WDR36: variants seen among roughly 807,000 people sequenced by gnomAD.
WDR36 encodes WD repeat-containing protein 36.
A neutral mutation model predicts 112.7 loss-of-function variants in WDR36; 63 were observed. The observed-to-expected ratio is 0.56, with a 90% CI of 0.46 to 0.69. The LOEUF is 0.69. Ranked by LOEUF, WDR36 falls within the 30% of genes least tolerant of loss-of-function variation. The probability of loss-of-function intolerance (pLI) is 0.00; values close to 1 mark genes in which losing one functional copy is unlikely to be tolerated. For missense variants in WDR36, 1,226 were observed against 1,070.3 expected (o/e 1.15, Z -2.03); for synonymous variants, 410 against 362.2 (o/e 1.13, Z -1.50).
chr5:111,095,831 G>A (rs1217615417), intron 2 of WDR36, among the ~76,000 whole-genome samples: 1 of 151,936 alleles, frequency 6.6e-6, no homozygotes, highest in Non-Finnish European at 1.5e-5. Flanking sequence ...TCACATTTTG[G>A]TATTTCTTTC....
intron 4 of WDR36, 36 bp from the exon 5 acceptor site, chr5:111,100,552 AT>A: frequency 7.4e-7 from 1 of 1,352,402 alleles, no homozygotes; most frequent in Non-Finnish European, 1.0e-6. Context: ...ATTTTAAACT[AT>A]TTTATAAAAA....
chr5:111,109,180 G>A (rs1753275971), intron 12 of WDR36, among the ~76,000 whole-genome samples: 1 of 151,270 alleles, frequency 6.6e-6, no homozygotes, highest in Admixed American at 6.6e-5. Flanking sequence ...GCAGGTTATA[G>A]CATACAAGCT....
chr5:111,107,492 A>G, intron 12 of WDR36, 53 bp downstream of exon 12: 3 of 1,595,270 alleles, frequency 1.9e-6, no homozygotes, highest in African/African-American at 1.3e-5. Context: ...TCCTATGGAA[A>G]TCTTGTTATA....
intron 13 of WDR36, among the ~76,000 whole-genome samples, chr5:111,110,585 C>A (rs769333811): frequency 1.2e-4 from 18 of 151,292 alleles, no homozygotes; most frequent in Non-Finnish European, 2.4e-4. Flanking sequence ...TATGTTGTAT[C>A]GATCTGATTT....
intron 2 of WDR36, 181 bp from the exon 3 acceptor site, chr5:111,096,898 T>C: frequency 2.0e-6 from 1 of 512,412 alleles, no homozygotes; most frequent in South Asian, 2.4e-5. Flanking sequence ...ATCCTTAGTT[T>C]GATAGTTACT....
rs1482861932 is a variant in WDR36 at position 111,128,637 on chromosome 5, CTT to C, written c.*1758_*1759del. 3 of 181,462 alleles carry C rather than the reference CTT, an allele frequency of 1.7e-5. No individual in the cohort carries two copies. The highest frequency in any genetic ancestry group is 2.4e-5 in the African/African-American group (1 of 42,464). The allele number at this position is 181,462 out of a possible 1,614,324, so 11.2% of individuals were successfully genotyped here. On this transcript the variant is annotated 3_prime_UTR_variant, in exon 23 of 23. Coordinates refer to ENST00000513710, the MANE Select transcript of WDR36 (RefSeq NM_139281.3). ...GAAATCATGAACCGAATTTTCTTCT[CTT>C]TTTAAAGTGAGCATAAAGACTTAAG...
At position 111,100,466 on chromosome 5, in the gene WDR36, CTG is replaced by C; in HGVS notation, c.410-120_410-119del. ...AATGTTTATAGATTAGTATCTAAGT[CTG>C]TGGTTTATTTTAACATATAAATCTT... On this transcript the variant is annotated intron_variant, in intron 4 of 22. Coordinates refer to ENST00000513710, the MANE Select transcript of WDR36 (RefSeq NM_139281.3). The C allele has an allele frequency of 8.1e-6, 5 of 616,236 alleles. No homozygotes were observed. The East Asian group carries it at 1.2e-4, about 15-fold the overall frequency. The allele number at this position is 616,236 out of a possible 1,614,324, so 38.2% of individuals were successfully genotyped here.
chr5:111,108,773 G>A (rs1259943756), intron 12 of WDR36, among the ~76,000 whole-genome samples: 1 of 151,238 alleles, frequency 6.6e-6, no homozygotes, highest in East Asian at 1.9e-4. Context: ...GATCAATGAA[G>A]CGAGTAAGGG....
At chr5:111,093,102 A>G (rs193018081) in intron 1 of WDR36, among the ~76,000 whole-genome samples, 159 of 152,380 alleles carry the variant, frequency 1.0e-3, no homozygotes, top group Admixed American at 1.5e-3. Flanking sequence ...GTTATTTTCA[A>G]CTAACGCAAA....
chr5:111,123,057 T>C (rs1753600483), intron 19 of WDR36, among the ~76,000 whole-genome samples: 1 of 151,864 alleles, frequency 6.6e-6, no homozygotes, highest in South Asian at 2.1e-4. Flanking sequence ...TGCAGTGAGC[T>C]GAGATCGCAC....
intron 14 of WDR36, 36 bp downstream of exon 14, chr5:111,110,989 T>A (rs1753325755): frequency 6.2e-7 from 1 of 1,607,970 alleles, no homozygotes; most frequent in Admixed American, 1.7e-5. Context: ...TCTCTTTGAT[T>A]CTTTTGGTAA....
Position 111,113,987 on chromosome 5 carries a change from G to T in WDR36, c.1796+834G>T, listed in dbSNP as rs560345107. ...CATTGGGGATTAAGTTTAAACATGA[G>T]TTTTGGAGGGGACATTCTAACTATA... On this transcript the variant is annotated intron_variant, in intron 16 of 22. Coordinates refer to ENST00000513710, the MANE Select transcript of WDR36 (RefSeq NM_139281.3). Among the ~76,000 whole-genome samples the T allele has an allele frequency of 7.2e-4, 109 of 152,298 alleles. No homozygotes were observed. The Middle Eastern group carries it at 0.02, about 29-fold the overall frequency.
chr5:111,110,448 A>G lies in WDR36; in HGVS notation c.1441+145A>G, dbSNP rs553679464. 133 of 729,092 alleles carry G rather than the reference A, an allele frequency of 1.8e-4. 1 individual carries two copies. The Admixed American group carries it at 2.8e-3, about 15-fold the overall frequency. The allele number at this position is 729,092 out of a possible 1,614,324, so 45.2% of individuals were successfully genotyped here. A position where few individuals can be genotyped will look rare whatever the true frequency, so the allele number is the denominator to read the frequency against. On this transcript the variant is annotated intron_variant, in intron 13 of 22. Coordinates refer to ENST00000513710, the MANE Select transcript of WDR36 (RefSeq NM_139281.3). ...TCAACCCTATATGGCAGATACTGCA[A>G]TTGTATCATAAGGACCATGTTGAAA...
At chr5:111,093,355 T>C (rs922153520) in intron 1 of WDR36, among the ~76,000 whole-genome samples, 10 of 152,254 alleles carry the variant, frequency 6.6e-5, no homozygotes, top group Non-Finnish European at 1.3e-4. Flanking sequence ...AGGAGGATGA[T>C]AATAGTCAGT....
Position 111,124,185 on chromosome 5 carries a change from TA to T in WDR36, c.2348del (p.Lys783SerfsTer9), listed in dbSNP as rs773287901. ...LKLEEGLVNN[K>X]YDTALNLLKE... Reference sequence around the variant, plus strand: ...AACTTGAAGAAGGACTGGTAAATAATAAGTGTAAGTTGAATTATAAGATATT... The same window carrying T: ...AACTTGAAGAAGGACTGGTAAATAATAGTGTAAGTTGAATTATAAGATATT... On this transcript the variant is annotated frameshift_variant, in exon 21 of 23. Transcript: ENST00000513710. LOFTEE classifies it high-confidence loss of function. 6.2e-7 allele frequency: 1 copy of T among 1,609,522 alleles called. No homozygotes were observed. Among genetic ancestry groups the T allele is most frequent in the East Asian group, 2.2e-5 (1 of 44,690 alleles).
At chr5:111,102,442 G>C (rs1580393191) in intron 6 of WDR36, 43 bp downstream of exon 6, 3 of 1,565,708 alleles carry the variant, frequency 1.9e-6, no homozygotes, top group Non-Finnish European at 1.8e-6. Flanking sequence ...AAAGTTAATA[G>C]GAAAATCCTT....
Position 111,093,327 on chromosome 5 carries a change from A to G in WDR36, c.162+709A>G, listed in dbSNP as rs185212623. ...TCTCCGAAAGAATGTAACCTCTGTGAGAACAGAAACCTTGATGAGGAGGAT... is the reference window on the plus strand; with the variant it reads ...TCTCCGAAAGAATGTAACCTCTGTGGGAACAGAAACCTTGATGAGGAGGAT... On this transcript the variant is annotated intron_variant, in intron 1 of 22. Transcript: ENST00000513710. 4.6e-5 allele frequency among the ~76,000 whole-genome samples: 7 copies of G among 152,380 alleles called. No individual in the cohort carries two copies. In the East Asian group the frequency reaches 9.6e-4, roughly 21 times the overall value.
chr5:111,096,854 G>T (rs1300302696), intron 2 of WDR36, among the ~76,000 whole-genome samples: 3 of 152,098 alleles, frequency 2.0e-5, no homozygotes, highest in African/African-American at 7.2e-5. Context: ...GCAAATCCTA[G>T]ACATTCTCTT....
chr5:111,093,130 T>G lies in WDR36; in HGVS notation c.162+512T>G, dbSNP rs116275823. ...AACGCAAAGTGTCTGGCACTGTCAC[T>G]CTAAGCCTTGCAGCCGTTTCTTTGC... On this transcript the variant is annotated intron_variant, in intron 1 of 22. Transcript: ENST00000513710. Among the ~76,000 whole-genome samples the G allele has an allele frequency of 5.4e-3, 822 of 152,364 alleles. 4 individuals are homozygous for G. Among genetic ancestry groups the G allele is most frequent in the African/African-American group, 0.019 (781 of 41,590 alleles).
Sources: allele counts gnomAD v4.1 joint callset (sites outside exome capture counted in the v4.1 genomes callset), GRCh38; gene constraint gnomAD v4.1.1; transcripts MANE v1.5; gene names NCBI Gene and HGNC (gene_info 2026-07-23, HGNC 2026-07-21).